The following GABRA3 variants were observed in gnomAD, a reference collection of about 807,000 sequenced individuals.
GABRA3 encodes gamma-aminobutyric acid type A receptor subunit alpha3.
GABRA3 carries 10 observed loss-of-function variants against 30.1 expected under a neutral mutation model. That is an observed-to-expected ratio of 0.33 (90% CI 0.20 to 0.56). The LOEUF (loss-of-function observed/expected upper bound fraction) is 0.56, where lower values mean the gene tolerates loss of function less well. Ranked by LOEUF, GABRA3 falls within the 20% of genes least tolerant of loss-of-function variation. GABRA3 has a pLI of 0.89. For missense variants in GABRA3, 233 were observed against 392.0 expected, an observed-to-expected ratio of 0.59 and a Z score of 3.42; for synonymous variants, 151 against 146.8, an observed-to-expected ratio of 1.03 and a Z score of -0.21.
At chrX:152,185,696 C>G (rs187197357) in intron 9 of GABRA3, among the ~76,000 whole-genome samples, 131 of 111,886 alleles carry the variant, frequency 1.2e-3, no homozygotes, top group African/African-American at 4.0e-3. Context: ...TATCCTCTCA[C>G]TAGTTCTAGG....
chrX:152,295,741 C>A (rs1939518086), intron 3 of GABRA3, among the ~76,000 whole-genome samples: 1 of 112,295 alleles, frequency 8.9e-6, no homozygotes, highest in Non-Finnish European at 1.9e-5. Flanking sequence ...GAAACGTTTA[C>A]CTCAGTTTGA....
At chrX:152,211,483 C>T (rs1569356929) in intron 6 of GABRA3, among the ~76,000 whole-genome samples, 1 of 111,296 alleles carries the variant, frequency 9.0e-6, no homozygotes, top group Non-Finnish European at 1.9e-5. Flanking sequence ...ATACCCTCTT[C>T]TCATAAGATA....
intron 4 of GABRA3, among the ~76,000 whole-genome samples, chrX:152,275,798 TAAA>T (rs1939073518): frequency 9.2e-6 from 1 of 108,544 alleles, no homozygotes; most frequent in African/African-American, 3.3e-5. Context: ...ATCCTGTAAA[TAAA>T]TCATTTATAT....
intron 1 of GABRA3, among the ~76,000 whole-genome samples, chrX:152,404,937 G>A (rs1603255279): frequency 9.2e-6 from 1 of 108,351 alleles, no homozygotes; most frequent in Non-Finnish European, 1.9e-5. Flanking sequence ...TCCACTGATC[G>A]TCCCCCTGCA....
chrX:152,197,452 ATTCTAAC>A (rs979570633), intron 8 of GABRA3, among the ~76,000 whole-genome samples, 174 bp downstream of exon 8: 27 of 111,403 alleles, frequency 2.4e-4, no homozygotes, highest in Non-Finnish European at 1.1e-4. Flanking sequence ...CAGTCTTCTT[ATTCTAAC>A]TTCCTCCTTG....
chrX:152,182,471 CTATA>C (rs1937168402), intron 9 of GABRA3, among the ~76,000 whole-genome samples: 2 of 85,856 alleles, frequency 2.3e-5, no homozygotes, highest in African/African-American at 8.6e-5. Context: ...TATATGTACA[CTATA>C]TATAGTATAC....
intron 3 of GABRA3, among the ~76,000 whole-genome samples, chrX:152,330,502 T>C (rs929130443): frequency 4.5e-5 from 5 of 112,071 alleles, no homozygotes; most frequent in Non-Finnish European, 9.4e-5. Flanking sequence ...ATATACACCA[T>C]GCAATAGTAT....
intron 3 of GABRA3, among the ~76,000 whole-genome samples, chrX:152,298,790 G>C (rs765307386): frequency 3.6e-5 from 4 of 111,644 alleles, no homozygotes; most frequent in Non-Finnish European, 7.5e-5. Context: ...GATCCCTGAG[G>C]AATCACCACA....
At chrX:152,297,687 C>A (rs1308844982) in intron 3 of GABRA3, among the ~76,000 whole-genome samples, 1 of 112,044 alleles carries the variant, frequency 8.9e-6, no homozygotes, top group Non-Finnish European at 1.9e-5. Context: ...TTATCTAGAA[C>A]ATGAAGAGTT....
intron 3 of GABRA3, among the ~76,000 whole-genome samples, chrX:152,307,497 A>C (rs1291700632): frequency 8.9e-6 from 1 of 111,765 alleles, no homozygotes; most frequent in Admixed American, 9.5e-5. Flanking sequence ...TCATTTATTT[A>C]GTTTATTTAA....
At chrX:152,294,459 C>T (rs754456539) in intron 3 of GABRA3, among the ~76,000 whole-genome samples, 32 of 111,416 alleles carry the variant, frequency 2.9e-4, no homozygotes, top group African/African-American at 1.0e-3. Flanking sequence ...GTTCTCGTGC[C>T]ATGGTTTTCA....
chrX:152,347,164 A>G (rs1940404415), intron 2 of GABRA3, among the ~76,000 whole-genome samples: 1 of 112,171 alleles, frequency 8.9e-6, no homozygotes, highest in Non-Finnish European at 1.9e-5. Context: ...CAGTCATAAA[A>G]ATAATGAGAT....
chrX:152,239,261 C>A (rs1166763686), intron 5 of GABRA3, among the ~76,000 whole-genome samples: 1 of 104,875 alleles, frequency 9.5e-6, no homozygotes, highest in Admixed American at 1.0e-4. Context: ...ACCCAGTAGT[C>A]ATTCAGGAGC....
chrX:152,225,432 G>GCGCACACACACACA (rs35196156), intron 5 of GABRA3, among the ~76,000 whole-genome samples: 2 of 96,491 alleles, frequency 2.1e-5, no homozygotes, highest in African/African-American at 3.8e-5. Flanking sequence ...ACACACACAC[G>GCGCACACACACACA]CACACACACA....
intron 3 of GABRA3, among the ~76,000 whole-genome samples, chrX:152,331,563 G>A (rs1418563450): frequency 8.9e-6 from 1 of 112,028 alleles, no homozygotes; most frequent in Non-Finnish European, 1.9e-5. Flanking sequence ...CCTTGGTAAA[G>A]TAAATATCAA....
chrX:152,200,682 G>T (rs953881282), intron 7 of GABRA3, among the ~76,000 whole-genome samples: 1 of 110,891 alleles, frequency 9.0e-6, no homozygotes, highest in East Asian at 2.8e-4. Context: ...ATTTCCAAAC[G>T]CTACCTATTA....
At chrX:152,397,954 T>C (rs1450146623) in intron 1 of GABRA3, among the ~76,000 whole-genome samples, 2 of 111,960 alleles carry the variant, frequency 1.8e-5, no homozygotes, top group Non-Finnish European at 3.8e-5. Context: ...TGCTGGGCTA[T>C]CACAATTGAC....
intron 5 of GABRA3, among the ~76,000 whole-genome samples, chrX:152,240,949 C>T (rs1257973987): frequency 1.6e-4 from 16 of 98,222 alleles, no homozygotes; most frequent in East Asian, 3.4e-4. Flanking sequence ...AATGTCCTCC[C>T]GTAGCTCAGA....
chrX:152,442,270 T>C (rs1012993251), intron 1 of GABRA3, among the ~76,000 whole-genome samples: 1 of 110,458 alleles, frequency 9.1e-6, no homozygotes, highest in African/African-American at 3.3e-5. Context: ...TTAAAACATA[T>C]CAAAAGCCAA....
Sources: allele counts gnomAD v4.1 joint callset (sites outside exome capture counted in the v4.1 genomes callset), GRCh38; gene constraint gnomAD v4.1.1; transcripts MANE v1.5; gene names NCBI Gene and HGNC (gene_info 2026-07-23, HGNC 2026-07-21).